The following CLIP2 variants were observed in gnomAD, a reference collection of about 807,000 sequenced individuals.
CLIP2 encodes the protein CAP-Gly domain containing linker protein 2.
A neutral mutation model predicts 111.7 loss-of-function variants in CLIP2; 41 were observed. The observed-to-expected ratio is 0.37, with a 90% CI of 0.29 to 0.48. The LOEUF is 0.48. Among genes scored for constraint, CLIP2 ranks in the 20% least tolerant of loss-of-function variants. CLIP2 has a pLI of 0.99. For missense variants in CLIP2, 1,160 were observed against 1,422.1 expected (o/e 0.82, Z 2.96); for synonymous variants, 660 against 644.2 (o/e 1.02, Z -0.37).
chr7:74,336,860 G>GTTTTTTTTTTTTTTTTTT (rs376463523), intron 2 of CLIP2, among the ~76,000 whole-genome samples: 1 of 140,592 alleles, frequency 7.1e-6, no homozygotes, highest in Non-Finnish European at 1.5e-5. Context: ...TGTTTTTTTT[G>GTTTTTTTTTTTTTTTTTT]TTTTTTTTTT....
At chr7:74,334,393 G>A (rs1789389235) in intron 2 of CLIP2, among the ~76,000 whole-genome samples, 1 of 152,156 alleles carries the variant, frequency 6.6e-6, no homozygotes, top group Non-Finnish European at 1.5e-5. Flanking sequence ...GGGAGGGGAG[G>A]GAGTCGGGGA....
chr7:74,319,020 G>A (rs1192735527), intron 2 of CLIP2, among the ~76,000 whole-genome samples: 13 of 152,144 alleles, frequency 8.5e-5, no homozygotes, highest in African/African-American at 2.4e-4. Context: ...GAGGCCCGTC[G>A]GCAGAAGCCC....
Position 74,390,749 on chromosome 7 carries a change from G to GGT in CLIP2, c.2720+1491_2720+1492insTG, listed in dbSNP as rs1384084667. Among the ~76,000 whole-genome samples the GGT allele has an allele frequency of 1.9e-3, 86 of 45,520 alleles. 1 individual carries two copies. The highest frequency in any genetic ancestry group is 3.7e-3 in the African/African-American group (79 of 21,236). 29.9% of individuals were successfully genotyped at this position (45,520 alleles called of 152,430 possible). A position where few individuals can be genotyped will look rare whatever the true frequency, so the allele number is the denominator to read the frequency against. On this transcript the variant is annotated intron_variant, in intron 13 of 16. Coordinates refer to ENST00000223398, the MANE Select transcript of CLIP2 (RefSeq NM_003388.5). Reference sequence around the variant, plus strand: ...AAAAGTAACTATTTTCTGGCGGGGTGGGGGGGGTGGGTGGGGGACTGGGCG... The same window carrying GGT: ...AAAAGTAACTATTTTCTGGCGGGGTGGTGGGGGGGTGGGTGGGGGACTGGGCG...
intron 2 of CLIP2, among the ~76,000 whole-genome samples, chr7:74,317,955 G>T (rs1467021372): frequency 6.6e-6 from 1 of 152,140 alleles, no homozygotes; most frequent in Non-Finnish European, 1.5e-5. Flanking sequence ...ACTTTGGGAG[G>T]CTGAGGCGGC....
chr7:74,313,954 G>A (rs541575443), intron 1 of CLIP2, among the ~76,000 whole-genome samples: 54 of 152,274 alleles, frequency 3.5e-4, no homozygotes, highest in East Asian at 5.8e-4. Context: ...AAGCCGAGGC[G>A]GTAGAATTGC....
intron 14 of CLIP2, among the ~76,000 whole-genome samples, chr7:74,399,910 T>A (rs1791571450): frequency 6.6e-6 from 1 of 151,086 alleles, no homozygotes; most frequent in Non-Finnish European, 1.5e-5. Flanking sequence ...ATCCCAGCAC[T>A]TTGGGAAGCC....
At chr7:74,324,820 A>G (rs868921306) in intron 2 of CLIP2, among the ~76,000 whole-genome samples, 385 of 29,242 alleles carry the variant, frequency 0.013, 4 homozygotes, top group African/African-American at 0.021. Context: ...GATCTTGAGA[A>G]AAAAAAAAAA....
chr7:74,401,509 T>G lies in CLIP2; in HGVS notation c.3071T>G (p.Ile1024Ser). 2 of 1,613,976 alleles carry G rather than the reference T, an allele frequency of 1.2e-6. No homozygotes were observed. The highest frequency in any genetic ancestry group is 1.7e-6 in the Non-Finnish European group (2 of 1,179,974). Residue 1024 changes from isoleucine (I) to serine (S), a missense_variant, in exon 16 of 17, where the codon ATC (isoleucine) becomes AGC (serine). Physicochemically the swap from Ile to Ser is moderately radical, Grantham distance 142 (BLOSUM62 -2). Around this residue, in one of 5 missense-constraint regions of CLIP2, gnomAD observed 676 missense variants for 777.8 expected, o/e 0.87. Transcript: ENST00000223398. ...TGTCTCCCCTAACTCTTCCAGACCA[T>G]CGGCAATTCCGGTTCTGCAAACGGC... ...MRSCPDKAQTIGNSGSANGIH... is the reference protein window; with the variant it reads ...MRSCPDKAQTSGNSGSANGIH...
At chr7:74,368,024 G>A (rs576810135) in intron 8 of CLIP2, among the ~76,000 whole-genome samples, 55 of 152,264 alleles carry the variant, frequency 3.6e-4, no homozygotes, top group African/African-American at 1.3e-3. Flanking sequence ...ACCAGCTTGG[G>A]CAACATAGGG....
intron 13 of CLIP2, among the ~76,000 whole-genome samples, chr7:74,390,645 G>T (rs1791269087): frequency 6.6e-6 from 1 of 151,994 alleles, no homozygotes; most frequent in Non-Finnish European, 1.5e-5. Flanking sequence ...TGCAGCCTGG[G>T]CGGTGGCAGT....
rs556399701 is a variant in CLIP2 at position 74,351,117 on chromosome 7, AAGAG to A, written c.679-2755_679-2752del. On this transcript the variant is annotated intron_variant, in intron 3 of 16. Transcript: ENST00000223398. ...GGAAGGGAAGGGAAGGAAGGGAAGA[AAGAG>A]AGAGAGAAAGAAAGAGAGAGAGAGA... Among the ~76,000 whole-genome samples, 99 of 147,854 alleles carry A rather than the reference AAGAG, an allele frequency of 6.7e-4. 2 individuals carry two copies. The South Asian group carries it at 0.015, about 22-fold the overall frequency.
At chr7:74,340,384 A>T (rs1330716075) in intron 3 of CLIP2, among the ~76,000 whole-genome samples, 2 of 152,188 alleles carry the variant, frequency 1.3e-5, no homozygotes, top group African/African-American at 2.4e-5. Context: ...TGACAGAGTG[A>T]GACTCTGTCT....
At chr7:74,373,088 G>GC in intron 9 of CLIP2, 52 bp downstream of exon 9, 2 of 1,054,216 alleles carry the variant, frequency 1.9e-6, no homozygotes, top group South Asian at 1.4e-5. Flanking sequence ...GCCCTTTGAT[G>GC]CCCCCTCTGG....
intron 8 of CLIP2, among the ~76,000 whole-genome samples, chr7:74,365,470 C>T (rs190267415): frequency 2.0e-5 from 3 of 152,330 alleles, no homozygotes; most frequent in African/African-American, 7.2e-5. Flanking sequence ...CGGCTCTGCT[C>T]TTCTCCCAGC....
chr7:74,358,568 C>CT (rs11321496), intron 6 of CLIP2, among the ~76,000 whole-genome samples: 12 of 148,070 alleles, frequency 8.1e-5, no homozygotes, highest in South Asian at 4.3e-4. Context: ...CCTCATCATT[C>CT]TTTTTTTTTT....
intron 8 of CLIP2, among the ~76,000 whole-genome samples, chr7:74,365,977 C>T (rs1327997786): frequency 6.6e-6 from 1 of 151,950 alleles, no homozygotes; most frequent in Non-Finnish European, 1.5e-5. Context: ...GGCAGGGTCT[C>T]GCTATGTTGC....
chr7:74,370,288 C>T (rs189832673), intron 8 of CLIP2, among the ~76,000 whole-genome samples: 1,561 of 151,640 alleles, frequency 0.01, 26 homozygotes, highest in African/African-American at 0.036. Context: ...AACCCTGTCT[C>T]TACTAAAAAT....
At chr7:74,372,240 T>TCCCCACAGAGGA (rs1276193640) in intron 8 of CLIP2, among the ~76,000 whole-genome samples, 1 of 151,802 alleles carries the variant, frequency 6.6e-6, no homozygotes, top group Non-Finnish European at 1.5e-5. Flanking sequence ...AGACCAGGCG[T>TCCCCACAGAGGA]CCTCTGTGGG....
chr7:74,295,499 C>T (rs1224155700), intron 1 of CLIP2, among the ~76,000 whole-genome samples: 5 of 152,082 alleles, frequency 3.3e-5, no homozygotes, highest in South Asian at 2.1e-4. Flanking sequence ...CTTTCTACTT[C>T]GCTAGCCTGT....
Sources: allele counts gnomAD v4.1 joint callset (sites outside exome capture counted in the v4.1 genomes callset), GRCh38; gene constraint gnomAD v4.1.1; regional missense constraint gnomAD v4.1.1; transcripts MANE v1.5; gene names NCBI Gene and HGNC (gene_info 2026-07-23, HGNC 2026-07-21).